CDIP1: variants seen among roughly 807,000 people sequenced by gnomAD.
The protein encoded by CDIP1 is cell death-inducing p53-target protein 1.
CDIP1 carries 9 observed loss-of-function variants against 17.7 expected under a neutral mutation model. The observed-to-expected ratio is 0.51, with a 90% CI of 0.31 to 0.89. The LOEUF (loss-of-function observed/expected upper bound fraction) is 0.89. Among genes scored for constraint, CDIP1 ranks in the 40% least tolerant of loss-of-function variants. The pLI, the probability that CDIP1 is intolerant of heterozygous loss-of-function variation, is 0.05. For synonymous variants in CDIP1, 117 were observed against 109.5 expected, an observed-to-expected ratio of 1.07 and a Z score of -0.43; for missense variants, 263 against 277.9, an observed-to-expected ratio of 0.95 and a Z score of 0.38.
At chr16:4,534,020 G>T (rs112092430) in intron 1 of CDIP1, among the ~76,000 whole-genome samples, 2 of 151,994 alleles carry the variant, frequency 1.3e-5, no homozygotes, top group South Asian at 4.2e-4. Flanking sequence ...GTGCGATCTC[G>T]GCTAGCTGCA....
At position 4,512,516 on chromosome 16, in the gene CDIP1, G is replaced by T. The variant is rs758888449; in HGVS notation, c.*56C>A. On this transcript the variant is annotated 3_prime_UTR_variant, in exon 6 of 6. Transcript: ENST00000567695. The surrounding 1 kb of genome is among the most constrained non-coding windows in gnomAD (Gnocchi z 4.6). ...CGGGAAAGTGACCACTGAGCACAGG[G>T]AGCAAAGCACAGGGGGCCAGACTGA... 3 of 1,300,424 alleles carry T rather than the reference G, an allele frequency of 2.3e-6. No individual in the cohort carries two copies. In the Admixed American group the frequency reaches 5.1e-5, roughly 22 times the overall value. The allele number at this position is 1,300,424 out of a possible 1,614,324, so 80.6% of individuals were successfully genotyped here. A position where few individuals can be genotyped will look rare whatever the true frequency, so the allele number is the denominator to read the frequency against.
rs943644215 is a variant in CDIP1 at position 4,511,791 on chromosome 16, G to T, written c.*781C>A. The T allele has an allele frequency of 6.5e-6, 1 of 152,672 alleles. No individual in the cohort carries two copies. Among genetic ancestry groups the T allele is most frequent in the South Asian group, 2.1e-4 (1 of 4,836 alleles). The allele number at this position is 152,672 out of a possible 1,614,324, so 9.5% of individuals were successfully genotyped here. A position where few individuals can be genotyped will look rare whatever the true frequency, so the allele number is the denominator to read the frequency against. ...AGACGGGAAGGGGCTAGGCTCAGGG[G>T]CTCCTTCCGGCCCCAGCAATACAGG... On this transcript the variant is annotated 3_prime_UTR_variant, in exon 6 of 6. Transcript: ENST00000567695.
chr16:4,535,844 T>C (rs1178660631), intron 1 of CDIP1, among the ~76,000 whole-genome samples: 1 of 152,048 alleles, frequency 6.6e-6, no homozygotes, highest in Non-Finnish European at 1.5e-5. Flanking sequence ...TATTGCAAGG[T>C]AGCCTTTACC....
chr16:4,519,936 C>G (rs1303426063), intron 1 of CDIP1, among the ~76,000 whole-genome samples: 1 of 152,136 alleles, frequency 6.6e-6, no homozygotes, highest in Non-Finnish European at 1.5e-5. Flanking sequence ...GAACCAAATA[C>G]TCTCTTTTCT....
chr16:4,525,780 C>T (rs578228850), intron 1 of CDIP1, among the ~76,000 whole-genome samples: 1 of 152,274 alleles, frequency 6.6e-6, no homozygotes, highest in African/African-American at 2.4e-5. Flanking sequence ...CCAATGTGTC[C>T]CCTTCTCTGG....
chr16:4,521,533 C>T (rs1455981315), intron 1 of CDIP1, among the ~76,000 whole-genome samples: 1 of 151,878 alleles, frequency 6.6e-6, no homozygotes, highest in Admixed American at 6.6e-5. Context: ...TGCTTGCCAC[C>T]CGGTGGAAGG....
chr16:4,519,414 G>A (rs1440862060), intron 1 of CDIP1, among the ~76,000 whole-genome samples: 6 of 152,158 alleles, frequency 3.9e-5, no homozygotes, highest in African/African-American at 1.2e-4. Context: ...CCCCACTTCT[G>A]ATCATCGCAA....
At chr16:4,519,929 C>G (rs1375804186) in intron 1 of CDIP1, among the ~76,000 whole-genome samples, 1 of 152,100 alleles carries the variant, frequency 6.6e-6, no homozygotes, top group Non-Finnish European at 1.5e-5. Flanking sequence ...GAACCAGGAA[C>G]CAAATACTCT....
At chr16:4,527,581 C>G (rs2059013072) in intron 1 of CDIP1, among the ~76,000 whole-genome samples, 1 of 152,212 alleles carries the variant, frequency 6.6e-6, no homozygotes, top group African/African-American at 2.4e-5. Context: ...AGCACGGGGC[C>G]ACAGCATAGT....
In CDIP1 at chr16:4,513,582, C is replaced by T. The variant is rs146860495; in HGVS notation, c.241+114G>A. On this transcript the variant is annotated intron_variant, in intron 4 of 5. Coordinates refer to ENST00000567695, the MANE Select transcript of CDIP1 (RefSeq NM_013399.3). This position sits in a 1 kb window ranked among gnomAD's most constrained non-coding sequence, Gnocchi z 4.1. The stretch of plus-strand genomic sequence containing the variant: ...GAGCCCTAGGCAAGGGCTGGTTGGG[C>T]GTGTTGGAGTCCCTGCCCTACAGCA... 14 of 883,084 alleles carry T rather than the reference C, an allele frequency of 1.6e-5. No individual in the cohort carries two copies. The East Asian group carries it at 2.5e-4, about 16-fold the overall frequency. 54.7% of individuals were successfully genotyped at this position (883,084 alleles called of 1,614,324 possible).
At chr16:4,532,882 A>C (rs1298064994) in intron 1 of CDIP1, 1 of 152,274 alleles carries the variant, frequency 6.6e-6, no homozygotes, top group African/African-American at 2.4e-5. Flanking sequence ...GGGGAATCTG[A>C]GATCTGAGAA....
rs764025373 is a variant in CDIP1, at chr16:4,518,434, C to G, written c.-104-3770G>C. On this transcript the variant is annotated intron_variant, in intron 1 of 5. Coordinates refer to ENST00000567695, the MANE Select transcript of CDIP1 (RefSeq NM_013399.3). The stretch of plus-strand genomic sequence containing the variant: ...CACAGGGCTGGCTTCCCCTCCAGCT[C>G]GATGGCCACACCAGAGCCCACCTTC... Among the ~76,000 whole-genome samples the G allele has an allele frequency of 3.3e-5, 5 of 152,208 alleles. No homozygotes were observed. In the East Asian group the frequency reaches 9.6e-4, roughly 29 times the overall value.
chr16:4,520,363 A>G (rs2058932997), intron 1 of CDIP1, among the ~76,000 whole-genome samples: 1 of 152,082 alleles, frequency 6.6e-6, no homozygotes. Context: ...TCGGCCTCCC[A>G]AAGTGCTGGG....
chr16:4,512,700 G>A lies in CDIP1; in HGVS notation c.516-17C>T. 6.2e-7 allele frequency: 1 copy of A among 1,610,336 alleles called. No homozygotes were observed. Among genetic ancestry groups the A allele is most frequent in the South Asian group, 1.1e-5 (1 of 91,048 alleles). The stretch of plus-strand genomic sequence containing the variant: ...AGATCACATCTGAATCAGAGACAGG[G>A]AAGAACAGGCTGAGGCCTGCTGCGG... On this transcript the variant is annotated splice_polypyrimidine_tract_variant and intron_variant, in intron 5 of 5. Coordinates refer to ENST00000567695, the MANE Select transcript of CDIP1 (RefSeq NM_013399.3). This position sits in a 1 kb window ranked among gnomAD's most constrained non-coding sequence, Gnocchi z 4.6.
At chr16:4,521,033 C>G (rs1159855528) in intron 1 of CDIP1, among the ~76,000 whole-genome samples, 1 of 152,130 alleles carries the variant, frequency 6.6e-6, no homozygotes, top group Non-Finnish European at 1.5e-5. Flanking sequence ...GCTGTGGACT[C>G]ATGGGTCAGG....
At chr16:4,530,735 G>A (rs1692175783) in intron 1 of CDIP1, among the ~76,000 whole-genome samples, 1 of 152,076 alleles carries the variant, frequency 6.6e-6, no homozygotes, top group African/African-American at 2.4e-5. Context: ...CAGCACTTTG[G>A]GAAGTCAAGG....
intron 1 of CDIP1, among the ~76,000 whole-genome samples, chr16:4,521,925 G>T (rs894501780): frequency 6.6e-6 from 1 of 152,080 alleles, no homozygotes; most frequent in Non-Finnish European, 1.5e-5. Flanking sequence ...ACACAATGAC[G>T]CTAAATAAAT....
intron 1 of CDIP1, among the ~76,000 whole-genome samples, chr16:4,536,232 G>T (rs117505009): frequency 6.6e-6 from 1 of 152,250 alleles, no homozygotes; most frequent in East Asian, 1.9e-4. Flanking sequence ...ATTTTCACAG[G>T]GCCTATCTTT....
chr16:4,513,714 C>T lies in CDIP1; in HGVS notation c.223G>A (p.Gly75Ser), dbSNP rs2058857883. ...CACTCACCCGGAGGCATGTAGGTGC[C>T]ATCTGCACTCATGTGTGGTGGGATG... ...GFIPPHMSAD[G>S]TYMPPGFYPP... The change falls in exon 4 of 6, where the codon GGC becomes AGC. Residue 75 changes from glycine (G) to serine (S), a missense_variant. By Grantham distance (56) the Gly-to-Ser change is moderately conservative. Coordinates refer to ENST00000567695, the MANE Select transcript of CDIP1 (RefSeq NM_013399.3). The surrounding 1 kb of genome is among the most constrained non-coding windows in gnomAD (Gnocchi z 4.1). The T allele has an allele frequency of 6.2e-7, 1 of 1,613,570 alleles. No individual in the cohort carries two copies. The highest frequency in any genetic ancestry group is 8.5e-7 in the Non-Finnish European group (1 of 1,179,792).
Sources: allele counts gnomAD v4.1 joint callset (sites outside exome capture counted in the v4.1 genomes callset), GRCh38; gene constraint gnomAD v4.1.1; non-coding constraint Gnocchi (gnomAD v3.1); transcripts MANE v1.5; gene names NCBI Gene and HGNC (gene_info 2026-07-23, HGNC 2026-07-21).